Variants in ITPR2 observed in about 807,000 individuals in gnomAD.
ITPR2 encodes the protein inositol 1,4,5-trisphosphate-gated calcium channel ITPR2.
A neutral mutation model predicts 317.1 loss-of-function variants in ITPR2; 207 were observed. The ratio of observed to expected loss-of-function variants is 0.65; its 90% CI spans 0.58 to 0.73. ITPR2 has a LOEUF of 0.73. Among genes scored for constraint, ITPR2 ranks in the 30% least tolerant of loss-of-function variants. The pLI is 0.00. For synonymous variants in ITPR2, 1,156 were observed against 1,149.1 expected (o/e 1.01, Z -0.12); for missense variants, 2,613 against 3,284.0 (o/e 0.80, Z 4.99).
intron 2 of ITPR2, among the ~76,000 whole-genome samples, chr12:26,747,078 C>T (rs1314249221): frequency 6.6e-6 from 1 of 152,192 alleles, no homozygotes; most frequent in African/African-American, 2.4e-5. Flanking sequence ...AATTTCTCTA[C>T]ACTGGTTAAA....
intron 37 of ITPR2, among the ~76,000 whole-genome samples, chr12:26,521,083 T>C (rs1042110860): frequency 6.6e-6 from 1 of 152,198 alleles, no homozygotes; most frequent in African/African-American, 2.4e-5. Context: ...CTTTCTATGG[T>C]ATAAATACTC....
chr12:26,465,242 A>G (rs1466156006), intron 45 of ITPR2, among the ~76,000 whole-genome samples: 1 of 152,216 alleles, frequency 6.6e-6, no homozygotes, highest in East Asian at 1.9e-4. Flanking sequence ...GTGAAGAAAT[A>G]TTTCACAGAA....
intron 26 of ITPR2, among the ~76,000 whole-genome samples, chr12:26,608,856 G>A (rs1467615540): frequency 2.0e-5 from 3 of 151,364 alleles, no homozygotes; most frequent in Non-Finnish European, 4.4e-5. Flanking sequence ...ATTTTCTGAT[G>A]TAACTCCAGG....
intron 37 of ITPR2, among the ~76,000 whole-genome samples, chr12:26,540,446 C>CA (rs1565590781): frequency 6.6e-6 from 1 of 151,890 alleles, no homozygotes; most frequent in Non-Finnish European, 1.5e-5. Context: ...TTCTCTTCTC[C>CA]TTTTTTTTCT....
At chr12:26,692,117 G>GCCCC (rs199783738) in intron 10 of ITPR2, among the ~76,000 whole-genome samples, 100 of 151,820 alleles carry the variant, frequency 6.6e-4, no homozygotes, top group African/African-American at 2.3e-3. Flanking sequence ...CTGGTACACC[G>GCCCC]CCCCCCCGCC....
At position 26,663,668 on chromosome 12, in the gene ITPR2, G is replaced by A; in HGVS notation, c.1713+17C>T. On this transcript the variant is annotated intron_variant, in intron 15 of 56. Coordinates refer to ENST00000381340, the MANE Select transcript of ITPR2 (RefSeq NM_002223.4). Reference sequence around the variant, plus strand: ...CTTTACATATGAAACAGTTTAAAATGGGGGCTACCCTCTGACCTGATTTTT... The same window carrying A: ...CTTTACATATGAAACAGTTTAAAATAGGGGCTACCCTCTGACCTGATTTTT... 1 of 1,590,216 alleles carries A rather than the reference G, an allele frequency of 6.3e-7. No individual in the cohort carries two copies. The highest frequency in any genetic ancestry group is 8.5e-7 in the Non-Finnish European group (1 of 1,170,490).
chr12:26,431,270 A>G (rs571078170), intron 48 of ITPR2, among the ~76,000 whole-genome samples: 1 of 152,320 alleles, frequency 6.6e-6, no homozygotes, highest in South Asian at 2.1e-4. Flanking sequence ...TTGGTATAAG[A>G]CATTCTCATG....
intron 10 of ITPR2, among the ~76,000 whole-genome samples, chr12:26,688,370 C>T (rs578078764): frequency 6.6e-6 from 1 of 152,174 alleles, no homozygotes; most frequent in South Asian, 2.1e-4. Context: ...AAGCTTCTCA[C>T]AATACCAAAG....
chr12:26,425,144 A>T (rs187086379), intron 49 of ITPR2, among the ~76,000 whole-genome samples: 14 of 151,996 alleles, frequency 9.2e-5, no homozygotes, highest in Admixed American at 9.2e-4. Context: ...AGGTCTCACT[A>T]TGTTGACCAG....
intron 1 of ITPR2, among the ~76,000 whole-genome samples, chr12:26,828,542 A>G (rs1951044618): frequency 1.3e-5 from 2 of 152,332 alleles, no homozygotes; most frequent in Non-Finnish European, 1.5e-5. Flanking sequence ...AGCAGAGGGA[A>G]CAAAATCATG....
intron 54 of ITPR2, among the ~76,000 whole-genome samples, chr12:26,389,762 G>A (rs1292165889): frequency 1.3e-5 from 2 of 152,010 alleles, no homozygotes; most frequent in African/African-American, 4.8e-5. Flanking sequence ...TAGCCAAATC[G>A]AAGTTATTAA....
intron 2 of ITPR2, among the ~76,000 whole-genome samples, chr12:26,759,162 C>A (rs781451363): frequency 7.9e-5 from 12 of 152,180 alleles, no homozygotes; most frequent in Non-Finnish European, 1.6e-4. Flanking sequence ...AGAAACACCC[C>A]CTCCCCAGAT....
intron 45 of ITPR2, among the ~76,000 whole-genome samples, chr12:26,466,542 A>C (rs1942174914): frequency 1.3e-5 from 2 of 152,218 alleles, no homozygotes; most frequent in Admixed American, 1.3e-4. Flanking sequence ...ATGATATATA[A>C]ATAAATACAT....
At chr12:26,822,827 G>A (rs1950957126) in intron 1 of ITPR2, among the ~76,000 whole-genome samples, 1 of 152,094 alleles carries the variant, frequency 6.6e-6, no homozygotes, top group Non-Finnish European at 1.5e-5. Context: ...TATGAACCAA[G>A]CTTAAACCTT....
intron 31 of ITPR2, 127 bp from the exon 32 acceptor site, chr12:26,595,717 C>A: frequency 1.3e-6 from 1 of 762,858 alleles, no homozygotes; most frequent in Non-Finnish European, 2.0e-6. Context: ...TTTGTCTATC[C>A]AGAAAGTATT....
At chr12:26,771,017 T>A (rs1949830478) in intron 2 of ITPR2, among the ~76,000 whole-genome samples, 1 of 152,210 alleles carries the variant, frequency 6.6e-6, no homozygotes, top group Non-Finnish European at 1.5e-5. Flanking sequence ...TGGTCTTCTG[T>A]GTGCGCCTTC....
At chr12:26,758,193 C>T (rs987176591) in intron 2 of ITPR2, among the ~76,000 whole-genome samples, 2 of 152,144 alleles carry the variant, frequency 1.3e-5, no homozygotes, top group African/African-American at 4.8e-5. Flanking sequence ...CCATTTCTAA[C>T]CTTCTTACTT....
chr12:26,663,563 T>C (rs1375656), intron 15 of ITPR2, 122 bp downstream of exon 15: 817,729 of 964,704 alleles, frequency 0.85, 347,199 homozygotes, highest in Admixed American at 0.9. Context: ...TTGCCCAACA[T>C]AAAATATTTC....
intron 33 of ITPR2, among the ~76,000 whole-genome samples, chr12:26,579,221 G>A (rs1945339275): frequency 6.6e-6 from 1 of 152,046 alleles, no homozygotes; most frequent in African/African-American, 2.4e-5. Context: ...CAACCATTTT[G>A]AACTACAGAA....
Sources: gnomAD v4.1 joint callset for allele counts (sites outside exome capture counted in the v4.1 genomes callset) on GRCh38, gnomAD v4.1.1 for gene constraint, MANE v1.5 for transcripts, NCBI Gene and HGNC (gene_info 2026-07-23, HGNC 2026-07-21) for gene names.